Variants in CEP44 observed in about 807,000 individuals in gnomAD.
The protein encoded by CEP44 is centrosomal protein 44.
In CEP44, 45 loss-of-function variants were observed where a neutral mutation model predicts 46.7. That is an observed-to-expected ratio of 0.96 (90% CI 0.76 to 1.24). The LOEUF (loss-of-function observed/expected upper bound fraction) is 1.24. Among genes scored for constraint, CEP44 ranks in the 50% most tolerant of loss-of-function variants. CEP44 has a pLI of 0.00. For missense variants in CEP44, 475 were observed against 459.7 expected (o/e 1.03, Z -0.30); for synonymous variants, 142 against 146.0 (o/e 0.97, Z 0.20).
rs767815261 is a variant in CEP44, at chr4:174,310,909, G to T, written c.961+51G>T. ...TGGTATGATGAGTTTTCAGAAAAAT[G>T]ATTGTTATAGTAATTTTAATATTCT... On this transcript the variant is annotated intron_variant, in intron 9 of 11. Coordinates refer to ENST00000503780, the MANE Select transcript of CEP44 (RefSeq NM_001040157.3). The surrounding 1 kb of genome is among the most constrained non-coding windows in gnomAD (Gnocchi z 4.2). 2 of 804,404 alleles carry T rather than the reference G, an allele frequency of 2.5e-6. No homozygotes were observed. The highest frequency in any genetic ancestry group is 2.1e-6 in the Non-Finnish European group (1 of 484,590). 49.8% of individuals were successfully genotyped at this position (804,404 alleles called of 1,614,324 possible). A position where few individuals can be genotyped will look rare whatever the true frequency, so the allele number is the denominator to read the frequency against.
At chr4:174,327,042 T>C (rs1560926606) in intron 8 of CEP44, among the ~76,000 whole-genome samples, 1 of 151,506 alleles carries the variant, frequency 6.6e-6, no homozygotes, top group Non-Finnish European at 1.5e-5. Context: ...TTTTTAGATA[T>C]GAGATCAATA....
rs1486102396 is a variant in CEP44, at chr4:174,329,930, A to G, written c.1087-1552A>G. ...TATTTTAGATAGGAATACTTATTAT[A>G]GTTTCAACTTTCATACTTCGTATTA... On this transcript the variant is annotated intron_variant, in intron 8 of 8. Transcript: ENST00000426172. The surrounding 1 kb of genome is among the most constrained non-coding windows in gnomAD (Gnocchi z 4.0). Among the ~76,000 whole-genome samples, 1 of 152,194 alleles carries G rather than the reference A, an allele frequency of 6.6e-6. No homozygotes were observed. The highest frequency in any genetic ancestry group is 2.4e-5 in the African/African-American group (1 of 41,450).
chr4:174,325,021 T>TGA (rs1200193551), downstream of CEP44, among the ~76,000 whole-genome samples: 1 of 152,120 alleles, frequency 6.6e-6, no homozygotes. The surrounding 1 kb of genome is among the most constrained non-coding windows in gnomAD (Gnocchi z 4.4). Context: ...TAACCCTAGG[T>TGA]GGGAATTCCT....
At chr4:174,327,206 GAA>G (rs982206714) in intron 8 of CEP44, among the ~76,000 whole-genome samples, 7 of 146,020 alleles carry the variant, frequency 4.8e-5, no homozygotes, top group Admixed American at 1.4e-4. Context: ...GAGAGAGAGA[GAA>G]AAAACAGATA....
chr4:174,322,140 A>T (rs543202414), downstream of CEP44, among the ~76,000 whole-genome samples: 115 of 152,150 alleles, frequency 7.6e-4, 1 homozygote, highest in South Asian at 5.0e-3. Flanking sequence ...AAATTTATTT[A>T]TTTTTTCACA....
chr4:174,299,529 A>G (rs910372566), intron 3 of CEP44, among the ~76,000 whole-genome samples: 1 of 152,198 alleles, frequency 6.6e-6, no homozygotes, highest in Admixed American at 6.5e-5. Context: ...CCATTCTCTC[A>G]TATTCAGTTG....
intron 4 of CEP44, among the ~76,000 whole-genome samples, 165 bp from the exon 5 acceptor site, chr4:174,303,538 C>G: frequency 6.6e-6 from 1 of 152,190 alleles, no homozygotes; most frequent in East Asian, 1.9e-4. Flanking sequence ...TGGATCATGA[C>G]TTAACACCAG....
In CEP44 at chr4:174,301,119, G is replaced by A. The variant is rs1739654674; in HGVS notation, c.90-920G>A. 6.6e-6 allele frequency among the ~76,000 whole-genome samples: 1 copy of A among 152,086 alleles called. No homozygotes were observed. Among genetic ancestry groups the A allele is most frequent in the South Asian group, 2.1e-4 (1 of 4,820 alleles). ...TGCTATCATCATGTATTTGTTCTCT[G>A]TCTTACTAAAAATTTGGGTGGAGAT... On this transcript the variant is annotated intron_variant, in intron 3 of 11. Coordinates refer to ENST00000503780, the MANE Select transcript of CEP44 (RefSeq NM_001040157.3). This position sits in a 1 kb window ranked among gnomAD's most constrained non-coding sequence, Gnocchi z 4.3.
rs149987622 is a variant in CEP44, at chr4:174,295,910, T to A, written c.-147-2056T>A. Among the ~76,000 whole-genome samples, 1,471 of 152,348 alleles carry A rather than the reference T, an allele frequency of 9.7e-3. 11 individuals carry two copies. Among genetic ancestry groups the A allele is most frequent in the Non-Finnish European group, 0.015 (1,039 of 68,024 alleles). On this transcript the variant is annotated intron_variant, in intron 1 of 11. Coordinates refer to ENST00000503780, the MANE Select transcript of CEP44 (RefSeq NM_001040157.3). ...TGAGAGTATTTATTATGGATGGGTG[T>A]TAGATTTCTTTCAAGTGCTTTTTCT...
At chr4:174,304,831 G>T (rs1282966287) in intron 6 of CEP44, among the ~76,000 whole-genome samples, 1 of 152,156 alleles carries the variant, frequency 6.6e-6, no homozygotes, top group Non-Finnish European at 1.5e-5. Flanking sequence ...CTGGTTTTCA[G>T]TTAATATTTT....
chr4:174,292,120 T>C (rs1420042713), intron 1 of CEP44, among the ~76,000 whole-genome samples: 1 of 152,160 alleles, frequency 6.6e-6, no homozygotes, highest in Non-Finnish European at 1.5e-5. Context: ...GACAGTTTTT[T>C]CAGGTAATTA....
chr4:174,315,794 T>C (rs961823611), intron 9 of CEP44, among the ~76,000 whole-genome samples: 1 of 139,788 alleles, frequency 7.2e-6, no homozygotes, highest in African/African-American at 2.7e-5. Flanking sequence ...TGAGCCGAGA[T>C]CGCGCCACTG....
Position 174,325,901 on chromosome 4 carries a change from T to G in CEP44, c.1087-5581T>G, listed in dbSNP as rs1297335631. On this transcript the variant is annotated intron_variant, in intron 8 of 8. Coordinates refer to the CEP44 transcript ENST00000426172. This position sits in a 1 kb window ranked among gnomAD's most constrained non-coding sequence, Gnocchi z 4.4. ...TCTGACAGCTATTCCAGATTTCTCT[T>G]AGGAAGTGTTACTACAGTATTTATT... 1.3e-5 allele frequency among the ~76,000 whole-genome samples: 2 copies of G among 152,158 alleles called. No homozygotes were observed. Among genetic ancestry groups the G allele is most frequent in the Non-Finnish European group, 2.9e-5 (2 of 68,014 alleles).
chr4:174,316,302 C>T lies in CEP44; in HGVS notation c.1086+12C>T. ...ATGAGATTTCAGAGGTAAGAAAATG[C>T]TTAGATTATTTCCTTTCTAAATGAG... On this transcript the variant is annotated intron_variant, in intron 10 of 11. Coordinates refer to ENST00000503780, the MANE Select transcript of CEP44 (RefSeq NM_001040157.3). The T allele has an allele frequency of 6.2e-7, 1 of 1,603,390 alleles. No homozygotes were observed. The highest frequency in any genetic ancestry group is 8.5e-7 in the Non-Finnish European group (1 of 1,171,806).
chr4:174,284,415 C>T lies in CEP44; in HGVS notation c.-148+472C>T, dbSNP rs73870252. On this transcript the variant is annotated intron_variant, in intron 1 of 11. Coordinates refer to ENST00000503780, the MANE Select transcript of CEP44 (RefSeq NM_001040157.3). ...TAGGCTTACTGATTCCTATTGGATC[C>T]TCTGGGGTGAGGATACAAACGGCTC... is the stretch of plus-strand genomic sequence containing the variant. Among the ~76,000 whole-genome samples, 575 of 152,264 alleles carry T rather than the reference C, an allele frequency of 3.8e-3. 2 individuals carry two copies. Among genetic ancestry groups the T allele is most frequent in the African/African-American group, 0.013 (554 of 41,558 alleles).
At chr4:174,333,029 G>A (rs1731388276) in exon 9 of CEP44, 1 of 151,962 alleles carries the variant, frequency 6.6e-6, no homozygotes, top group Non-Finnish European at 1.5e-5. Context: ...TGGGCACATA[G>A]GACATTTATA....
chr4:174,309,765 A>G lies in CEP44; in HGVS notation c.679-85A>G, dbSNP rs1210689441. The G allele has an allele frequency of 5.4e-6, 5 of 924,066 alleles. No individual in the cohort carries two copies. The highest frequency in any genetic ancestry group is 2.4e-5 in the Admixed American group (1 of 42,204). 57.2% of individuals were successfully genotyped at this position (924,066 alleles called of 1,614,324 possible). On this transcript the variant is annotated intron_variant, in intron 7 of 11. Coordinates refer to ENST00000503780, the MANE Select transcript of CEP44 (RefSeq NM_001040157.3). This position sits in a 1 kb window ranked among gnomAD's most constrained non-coding sequence, Gnocchi z 5.3. ...AGGACGGTCTCTCCTAACTGTTGAG[A>G]TAACGCTGTGGAAGTGAGAATACAT...
In CEP44 at chr4:174,288,011, G is replaced by A. The variant is rs1737757689; in HGVS notation, c.-148+4068G>A. On this transcript the variant is annotated intron_variant, in intron 1 of 11. Transcript: ENST00000503780. The surrounding 1 kb of genome is among the most constrained non-coding windows in gnomAD (Gnocchi z 4.6). ...TTTTGTAGTCCAGGCCCTTAATTAA[G>A]TAGATAACACACTCAGAAGGAGAAA... 6.6e-6 allele frequency among the ~76,000 whole-genome samples: 1 copy of A among 152,174 alleles called. No individual in the cohort carries two copies. Among genetic ancestry groups the A allele is most frequent in the Non-Finnish European group, 1.5e-5 (1 of 68,022 alleles).
At chr4:174,323,719 A>C (rs949071318), downstream of CEP44, among the ~76,000 whole-genome samples, 1 of 152,044 alleles carries the variant, frequency 6.6e-6, no homozygotes, top group Non-Finnish European at 1.5e-5. Context: ...TTTTCATAGG[A>C]TCCACGTTCG....
Sources: allele counts gnomAD v4.1 joint callset (sites outside exome capture counted in the v4.1 genomes callset), GRCh38; gene constraint gnomAD v4.1.1; non-coding constraint Gnocchi (gnomAD v3.1); transcripts MANE v1.5; gene names NCBI Gene and HGNC (gene_info 2026-07-23, HGNC 2026-07-21).